Variants in LIMS1 observed in about 807,000 individuals in gnomAD.
LIMS1 encodes the protein LIM zinc finger domain containing 1.
A neutral mutation model predicts 44.1 loss-of-function variants in LIMS1; 18 were observed. That is an observed-to-expected ratio of 0.41 (90% CI 0.28 to 0.61). LIMS1 has a LOEUF of 0.61. Ranked by LOEUF, LIMS1 falls within the 20% of genes least tolerant of loss-of-function variation. The pLI, the probability that LIMS1 is intolerant of heterozygous loss-of-function variation, is 0.32. For missense variants in LIMS1, 201 were observed against 422.0 expected, an observed-to-expected ratio of 0.48 and a Z score of 4.59; for synonymous variants, 93 against 149.1, an observed-to-expected ratio of 0.62 and a Z score of 2.74.
intron 1 of LIMS1, among the ~76,000 whole-genome samples, chr2:108,614,827 CTA>C (rs1687844228): frequency 6.6e-6 from 1 of 152,092 alleles, no homozygotes; most frequent in Non-Finnish European, 1.5e-5. Context: ...ACAATATTGG[CTA>C]TAGTCATGAA....
At position 108,569,766 on chromosome 2, in the gene LIMS1, T is replaced by C. The variant is rs944696449; in HGVS notation, c.32+35172T>C. 4.7e-5 allele frequency among the ~76,000 whole-genome samples: 6 copies of C among 127,066 alleles called. 1 individual carries two copies. The highest frequency in any genetic ancestry group is 4.9e-4 in the East Asian group (2 of 4,116). The allele number at this position is 127,066 out of a possible 152,430, so 83.4% of individuals were successfully genotyped here. Reference sequence around the variant, plus strand: ...CAAACACTCACCGCCATATCTGGCTTTTTTTTTTTTTTTTTTTAGTGATGA... The same window carrying C: ...CAAACACTCACCGCCATATCTGGCTCTTTTTTTTTTTTTTTTTAGTGATGA... On this transcript the variant is annotated intron_variant, in intron 1 of 9. Transcript: ENST00000544547.
intron 1 of LIMS1, among the ~76,000 whole-genome samples, chr2:108,609,123 C>G (rs538514531): frequency 4.6e-5 from 7 of 152,076 alleles, no homozygotes; most frequent in Non-Finnish European, 7.4e-5. Context: ...AGGGTGGGAT[C>G]GGTGATTCGA....
Position 108,621,428 on chromosome 2 carries a change from TGA to T in LIMS1, c.33-38173_33-38172del, listed in dbSNP as rs749515292. ...AGAAGACGAGATCGCCCCGATAGTT[TGA>T]GAGTAAATGGGTTACCAGAGGAAGA... On this transcript the variant is annotated intron_variant, in intron 1 of 9. Transcript: ENST00000544547. The T allele has an allele frequency of 6.2e-5, 96 of 1,551,154 alleles. 1 individual carries two copies. The South Asian group carries it at 1.1e-3, about 18-fold the overall frequency.
rs192227013 is a variant in LIMS1 at position 108,669,841 on chromosome 2, G to A, written c.193-940G>A. 7.4e-4 allele frequency among the ~76,000 whole-genome samples: 112 copies of A among 152,122 alleles called. No homozygotes were observed. The East Asian group carries it at 0.021, about 28-fold the overall frequency. ...TACATGAAATAATTGTGGGAGGAAA[G>A]GGCAGCCCTACTCATTTCACTATCA... On this transcript the variant is annotated intron_variant, in intron 2 of 9. Transcript: ENST00000544547.
intron 2 of LIMS1, among the ~76,000 whole-genome samples, chr2:108,663,572 T>A (rs1199860496): frequency 6.6e-6 from 1 of 152,174 alleles, no homozygotes; most frequent in Non-Finnish European, 1.5e-5. Flanking sequence ...TGGGATGGAC[T>A]GAACCAAGGA....
At chr2:108,640,960 A>G (rs190269390) in intron 1 of LIMS1, among the ~76,000 whole-genome samples, 10 of 152,182 alleles carry the variant, frequency 6.6e-5, no homozygotes, top group South Asian at 6.2e-4. Context: ...CCACCCTCTA[A>G]TAACCAACTC....
At chr2:108,623,897 C>T (rs8179687) in intron 1 of LIMS1, among the ~76,000 whole-genome samples, 62,804 of 152,154 alleles carry the variant, frequency 0.41, 14,899 homozygotes, top group East Asian at 0.94. Context: ...CTCTGAAACA[C>T]GAGATGCACG....
intron 6 of LIMS1, among the ~76,000 whole-genome samples, 160 bp downstream of exon 6, chr2:108,676,188 G>A (rs1350647901): frequency 6.6e-6 from 1 of 152,204 alleles, no homozygotes; most frequent in Non-Finnish European, 1.5e-5. Flanking sequence ...AAGATTAAAC[G>A]TGGACATTTT....
At chr2:108,539,308 T>A (rs1573289195) in intron 1 of LIMS1, among the ~76,000 whole-genome samples, 1 of 152,308 alleles carries the variant, frequency 6.6e-6, no homozygotes, top group East Asian at 1.9e-4. Context: ...TAGTGTTGAA[T>A]TCCTGGCCTC....
intron 1 of LIMS1, among the ~76,000 whole-genome samples, chr2:108,569,038 C>T (rs539225304): frequency 2.6e-5 from 4 of 152,156 alleles, no homozygotes; most frequent in Admixed American, 6.5e-5. Context: ...ACTACAGGCA[C>T]GCACCACCAT....
chr2:108,611,265 C>G (rs1362348373), intron 1 of LIMS1, among the ~76,000 whole-genome samples: 1 of 152,110 alleles, frequency 6.6e-6, no homozygotes, highest in East Asian at 1.9e-4. Context: ...ATTGTAAAAA[C>G]TAAATTTGGT....
rs772500201 is a variant in LIMS1 at position 108,680,540 on chromosome 2, TAA to T, written c.824-132_824-131del. Among the ~76,000 whole-genome samples the T allele has an allele frequency of 8.9e-3, 725 of 81,538 alleles. 4 individuals are homozygous for T. Among genetic ancestry groups the T allele is most frequent in the East Asian group, 0.058 (36 of 626 alleles). 53.5% of individuals were successfully genotyped at this position (81,538 alleles called of 152,430 possible). ...CTATAGAGCAAGACCCTGTCTCATT[TAA>T]AAAAAAAAAAAAAAAAAAAAAAGGT... On this transcript the variant is annotated intron_variant, in intron 8 of 9. Coordinates refer to ENST00000544547, the Ensembl canonical transcript of LIMS1.
chr2:108,588,345 G>A (rs1686205764), intron 1 of LIMS1: 2 of 985,300 alleles, frequency 2.0e-6, no homozygotes, highest in Non-Finnish European at 1.2e-6. Flanking sequence ...CTAAGATGAG[G>A]AAGTTCTGTA....
chr2:108,541,606 C>T (rs1171803195), intron 1 of LIMS1, among the ~76,000 whole-genome samples: 3 of 152,214 alleles, frequency 2.0e-5, no homozygotes, highest in Non-Finnish European at 2.9e-5. Context: ...GAATTTAAGG[C>T]TGTTTGTGAT....
chr2:108,571,654 A>G (rs1685483633), intron 1 of LIMS1, among the ~76,000 whole-genome samples: 1 of 152,244 alleles, frequency 6.6e-6, no homozygotes, highest in African/African-American at 2.4e-5. Flanking sequence ...GAATAGTACA[A>G]AAGCTTACTA....
At chr2:108,557,054 C>T (rs144326427) in intron 1 of LIMS1, among the ~76,000 whole-genome samples, 172 of 152,208 alleles carry the variant, frequency 1.1e-3, no homozygotes, top group Non-Finnish European at 1.8e-3. Flanking sequence ...CTGTCACTAC[C>T]TACCTACCTT....
chr2:108,551,759 A>G (rs1344872430), intron 1 of LIMS1, among the ~76,000 whole-genome samples: 1 of 146,348 alleles, frequency 6.8e-6, no homozygotes, highest in African/African-American at 2.5e-5. Context: ...ATACATACCT[A>G]TGTATATTGT....
intron 1 of LIMS1, among the ~76,000 whole-genome samples, chr2:108,548,741 C>G (rs1017041186): frequency 8.5e-5 from 13 of 152,192 alleles, no homozygotes; most frequent in African/African-American, 3.1e-4. Flanking sequence ...TGATAATTTG[C>G]TCATTCATTT....
At chr2:108,563,181 G>T (rs1339979514) in intron 1 of LIMS1, among the ~76,000 whole-genome samples, 2 of 152,208 alleles carry the variant, frequency 1.3e-5, no homozygotes, top group Admixed American at 6.5e-5. Flanking sequence ...GGAGAGATGT[G>T]TAAGGAGATT....
Sources: allele counts gnomAD v4.1 joint callset (sites outside exome capture counted in the v4.1 genomes callset), GRCh38; gene constraint gnomAD v4.1.1; transcripts MANE v1.5; gene names NCBI Gene and HGNC (gene_info 2026-07-23, HGNC 2026-07-21).